CTNNBL1: variants seen among roughly 807,000 people sequenced by gnomAD.
CTNNBL1 encodes the protein catenin beta like 1.
Under a neutral mutation model 72.7 loss-of-function variants are expected in CTNNBL1, and 31 were observed. The observed-to-expected ratio is 0.43, with a 90% CI of 0.32 to 0.58. The LOEUF is 0.58. CTNNBL1 is among the 20% of genes least tolerant of loss of function. CTNNBL1 has a pLI of 0.08. For synonymous variants in CTNNBL1, 240 were observed against 267.3 expected (o/e 0.90, Z 1.00); for missense variants, 534 against 725.1 (o/e 0.74, Z 3.03).
intron 11 of CTNNBL1, among the ~76,000 whole-genome samples, chr20:37,811,542 T>C (rs975005592): frequency 1.3e-5 from 2 of 152,334 alleles, no homozygotes; most frequent in Admixed American, 6.5e-5. Context: ...TGACAAAATG[T>C]AGGGATGCTG....
Position 37,790,476 on chromosome 20 carries a change from C to G in CTNNBL1, c.1031+11141C>G, listed in dbSNP as rs1267017571. Among the ~76,000 whole-genome samples the G allele has an allele frequency of 5.9e-5, 9 of 152,294 alleles. No individual in the cohort carries two copies. The South Asian group carries it at 1.9e-3, about 32-fold the overall frequency. Reference sequence around the variant, plus strand: ...CAGGTTGTGTTCCAAGCTGCACATGCAGATCTTGCTTGTTTGTCTAACAAG... The same window carrying G: ...CAGGTTGTGTTCCAAGCTGCACATGGAGATCTTGCTTGTTTGTCTAACAAG... On this transcript the variant is annotated intron_variant, in intron 10 of 15. Transcript: ENST00000361383.
intron 15 of CTNNBL1, among the ~76,000 whole-genome samples, chr20:37,866,727 A>G (rs966153408): frequency 1.3e-5 from 2 of 152,190 alleles, no homozygotes; most frequent in Admixed American, 6.5e-5. Flanking sequence ...AAACACAAAG[A>G]AAAAAACACC....
At chr20:37,771,127 T>G (rs918978495) in intron 7 of CTNNBL1, among the ~76,000 whole-genome samples, 1 of 152,160 alleles carries the variant, frequency 6.6e-6, no homozygotes, top group Non-Finnish European at 1.5e-5. Context: ...CCTTCCAATC[T>G]CACAGGGTTA....
At chr20:37,808,048 T>C (rs2071975018) in intron 11 of CTNNBL1, among the ~76,000 whole-genome samples, 1 of 152,226 alleles carries the variant, frequency 6.6e-6, no homozygotes, top group Admixed American at 6.5e-5. Context: ...TGCGCTGTTT[T>C]AACACAGTTC....
intron 7 of CTNNBL1, 30 bp from the exon 8 acceptor site, chr20:37,777,315 A>G (rs1328695868): frequency 3.8e-6 from 6 of 1,590,306 alleles, no homozygotes; most frequent in South Asian, 1.1e-5. Context: ...ACCCCTTAAC[A>G]TTTTTCTCAT....
intron 13 of CTNNBL1, among the ~76,000 whole-genome samples, chr20:37,849,855 T>A (rs2072380285): frequency 6.6e-6 from 1 of 152,252 alleles, no homozygotes; most frequent in Non-Finnish European, 1.5e-5. Context: ...TGCTTCAGTT[T>A]CTTCATCAGT....
At chr20:37,869,670 C>T (rs1382542442) in intron 15 of CTNNBL1, among the ~76,000 whole-genome samples, 1 of 152,206 alleles carries the variant, frequency 6.6e-6, no homozygotes, top group African/African-American at 2.4e-5. Context: ...ACCAGGCAGG[C>T]TTTCACAGAG....
In CTNNBL1 at chr20:37,694,157, G is replaced by A. The variant is rs373872897; in HGVS notation, c.30+5G>A. ...GGCGAACTTCTGAGCTACCAGGTAT[G>A]AGGGGCAGGGAGGGCCGAGCGACCG... On this transcript the variant is annotated splice_donor_5th_base_variant and intron_variant, in intron 1 of 15. Transcript: ENST00000361383. 58 of 1,589,678 alleles carry A rather than the reference G, an allele frequency of 3.6e-5. No individual in the cohort carries two copies. The highest frequency in any genetic ancestry group is 4.6e-5 in the Non-Finnish European group (54 of 1,170,684).
At chr20:37,707,982 ACAC>A (rs2072903590) in intron 1 of CTNNBL1, among the ~76,000 whole-genome samples, 1 of 152,312 alleles carries the variant, frequency 6.6e-6, no homozygotes, top group South Asian at 2.1e-4. Flanking sequence ...CTCAGAACAC[ACAC>A]ATTTATTCAT....
intron 11 of CTNNBL1, among the ~76,000 whole-genome samples, chr20:37,821,619 A>C (rs2072108064): frequency 6.6e-6 from 1 of 152,196 alleles, no homozygotes. Context: ...TCAATGACTG[A>C]TATGAGCAAG....
At chr20:37,821,649 T>C (rs1385885548) in intron 11 of CTNNBL1, among the ~76,000 whole-genome samples, 2 of 152,248 alleles carry the variant, frequency 1.3e-5, no homozygotes, top group Non-Finnish European at 2.9e-5. Flanking sequence ...TTTAGGCATT[T>C]TCCTAGCTGG....
rs577121165 is a variant in CTNNBL1 at position 37,764,059 on chromosome 20, A to G, written c.565-1138A>G. On this transcript the variant is annotated intron_variant, in intron 5 of 15. Transcript: ENST00000361383. Reference sequence around the variant, plus strand: ...AGGAACTGTGAATAATCAGGCATCAACAGGGTAAAGGGCTAGATTCAAACC... The same window carrying G: ...AGGAACTGTGAATAATCAGGCATCAGCAGGGTAAAGGGCTAGATTCAAACC... 4.3e-4 allele frequency among the ~76,000 whole-genome samples: 65 copies of G among 152,314 alleles called. 1 individual carries two copies. Among genetic ancestry groups the G allele is most frequent in the Non-Finnish European group, 6.0e-4 (41 of 68,024 alleles).
chr20:37,825,488 A>G lies in CTNNBL1; in HGVS notation c.1214-14614A>G, dbSNP rs187814788. Among the ~76,000 whole-genome samples the G allele has an allele frequency of 2.1e-3, 319 of 152,222 alleles. 1 individual carries two copies. The highest frequency in any genetic ancestry group is 3.6e-3 in the Non-Finnish European group (244 of 68,004). ...TCAGGAGTTCAAGACAAGCCTGCCC[A>G]ACGTGGTGAAACCCCATCCCTACTA... On this transcript the variant is annotated intron_variant, in intron 11 of 15. Transcript: ENST00000361383.
At chr20:37,857,923 G>C (rs939647781) in intron 13 of CTNNBL1, among the ~76,000 whole-genome samples, 9 of 152,190 alleles carry the variant, frequency 5.9e-5, no homozygotes, top group Admixed American at 5.9e-4. Context: ...GGATGCAATC[G>C]TTCACACCTG....
At chr20:37,736,280 G>A (rs747837204) in intron 2 of CTNNBL1, among the ~76,000 whole-genome samples, 1 of 152,070 alleles carries the variant, frequency 6.6e-6, no homozygotes, top group Non-Finnish European at 1.5e-5. Context: ...CTTAGTTTAC[G>A]CACTGTGGAA....
At chr20:37,729,247 G>T (rs1276227275) in intron 1 of CTNNBL1, among the ~76,000 whole-genome samples, 1 of 152,124 alleles carries the variant, frequency 6.6e-6, no homozygotes, top group Non-Finnish European at 1.5e-5. Context: ...AAGGGACCAG[G>T]TTGTCTTTGC....
At chr20:37,780,503 C>T (rs764599868) in intron 10 of CTNNBL1, among the ~76,000 whole-genome samples, 6 of 152,080 alleles carry the variant, frequency 3.9e-5, no homozygotes, top group Non-Finnish European at 7.4e-5. Context: ...GCCTGCCACA[C>T]ATAGGATTTT....
intron 1 of CTNNBL1, among the ~76,000 whole-genome samples, chr20:37,724,908 C>CTTTTT: frequency 8.2e-6 from 1 of 122,384 alleles, no homozygotes; most frequent in East Asian, 2.3e-4. Context: ...TCCTGTCAAT[C>CTTTTT]TTTTTTTTTT....
chr20:37,739,336 T>C (rs566315099), intron 3 of CTNNBL1, among the ~76,000 whole-genome samples: 1 of 152,204 alleles, frequency 6.6e-6, no homozygotes, highest in Non-Finnish European at 1.5e-5. Context: ...CTAACAGATC[T>C]GTCCAGGTGG....
Sources: gnomAD v4.1 joint callset for allele counts (sites outside exome capture counted in the v4.1 genomes callset) on GRCh38, gnomAD v4.1.1 for gene constraint, MANE v1.5 for transcripts, NCBI Gene and HGNC (gene_info 2026-07-23, HGNC 2026-07-21) for gene names.